The following FIRRM variants were observed in gnomAD, a reference collection of about 807,000 sequenced individuals.
FIRRM encodes FIGNL1 interacting regulator of recombination and mitosis.
chr1:169,832,578 CT>C, the FIRRM span: 272 of 1,018,186 alleles, frequency 2.7e-4, no homozygotes, highest in Admixed American at 5.5e-4. Context: ...CTTTGATAGC[CT>C]TTTTTTTTCC....
At chr1:169,850,954 A>G in the FIRRM span, 1 of 121,116 alleles carries the variant, frequency 8.3e-6, no homozygotes, top group Non-Finnish European at 1.7e-5. Flanking sequence ...GTTTACTACC[A>G]TATTTTGGGT....
chr1:169,793,319 T>C, the FIRRM span: 1 of 1,614,184 alleles, frequency 6.2e-7, no homozygotes, highest in African/African-American at 1.3e-5. Context: ...TAACTTAACA[T>C]GCTGGAAACC....
chr1:169,830,604 C>T, the FIRRM span: 34 of 1,241,864 alleles, frequency 2.7e-5, no homozygotes, highest in Non-Finnish European at 3.7e-5. Flanking sequence ...TTTTAATGTC[C>T]TCATCAGAAT....
At chr1:169,802,575 T>C in the FIRRM span, 5 of 1,324,488 alleles carry the variant, frequency 3.8e-6, no homozygotes, top group South Asian at 1.2e-5. Context: ...TTGTCTTTTC[T>C]AGTGATTTCT....
chr1:169,834,978 G>A, the FIRRM span, among the ~76,000 whole-genome samples: 1 of 152,130 alleles, frequency 6.6e-6, no homozygotes, highest in Non-Finnish European at 1.5e-5. Context: ...GAACAGGTAG[G>A]CATAGGAGTT....
chr1:169,793,350 T>C, the FIRRM span: 2 of 1,614,242 alleles, frequency 1.2e-6, no homozygotes, highest in Non-Finnish European at 1.7e-6. Flanking sequence ...TCTATGACTT[T>C]ATTTTCTAAC....
the FIRRM span, chr1:169,847,953 A>G: frequency 3.8e-6 from 2 of 532,968 alleles, no homozygotes; most frequent in South Asian, 2.8e-5. Context: ...TATAAAATCT[A>G]TTTATAACTT....
At chr1:169,830,642 C>T in the FIRRM span, 3 of 1,529,782 alleles carry the variant, frequency 2.0e-6, no homozygotes, top group African/African-American at 4.1e-5. Flanking sequence ...AGTTCATCTC[C>T]TTATGTTTCT....
chr1:169,832,639 G>A, the FIRRM span: 3 of 633,494 alleles, frequency 4.7e-6, no homozygotes, highest in South Asian at 2.0e-5. Context: ...GTCTCGCTCT[G>A]TCACCCAGGC....
the FIRRM span, chr1:169,851,987 C>G: frequency 6.2e-7 from 1 of 1,612,906 alleles, no homozygotes; most frequent in East Asian, 2.2e-5. Flanking sequence ...AAATTCTGCC[C>G]TTTTTACTTA....
At chr1:169,827,607 C>T in the FIRRM span, 1 of 1,297,994 alleles carries the variant, frequency 7.7e-7, no homozygotes, top group Non-Finnish European at 1.1e-6. Context: ...CACTGCACTC[C>T]AGGCTGGGTG....
the FIRRM span, chr1:169,792,475 A>T: frequency 9.0e-7 from 1 of 1,116,718 alleles, no homozygotes. Context: ...AACTAAACAA[A>T]CAACATCAAA....
chr1:169,803,057 G>T, the FIRRM span: 1 of 920,278 alleles, frequency 1.1e-6, no homozygotes, highest in East Asian at 2.6e-5. Context: ...GTGAAAAGAG[G>T]AAGAGACTGT....
At chr1:169,827,979 A>G in the FIRRM span, 2 of 786,284 alleles carry the variant, frequency 2.5e-6, no homozygotes, top group South Asian at 2.0e-5. Flanking sequence ...AGACACACAT[A>G]TATATTGCTA....
At chr1:169,814,310 G>T in the FIRRM span, among the ~76,000 whole-genome samples, 1 of 152,172 alleles carries the variant, frequency 6.6e-6, no homozygotes, top group African/African-American at 2.4e-5. Context: ...AGGTAAATAT[G>T]CAGTATTAAA....
At chr1:169,802,482 A>T in the FIRRM span, 1 of 532,534 alleles carries the variant, frequency 1.9e-6, no homozygotes, top group South Asian at 3.1e-5. Flanking sequence ...ATTAGGTACA[A>T]TTGTTAAGCT....
chr1:169,800,715 C>CTT, the FIRRM span, among the ~76,000 whole-genome samples: 94,771 of 136,696 alleles, frequency 0.69, 33,206 homozygotes, highest in Middle Eastern at 0.88. Flanking sequence ...TCCTTTCTCT[C>CTT]TTTTTTTTTT....
the FIRRM span, among the ~76,000 whole-genome samples, chr1:169,835,837 C>G: frequency 2.0e-5 from 3 of 152,134 alleles, no homozygotes; most frequent in Non-Finnish European, 4.4e-5. Context: ...GCACAGTTCT[C>G]TTGGCTTTCC....
chr1:169,838,501 A>T, the FIRRM span, among the ~76,000 whole-genome samples: 538 of 151,516 alleles, frequency 3.6e-3, 1 homozygote, highest in Non-Finnish European at 6.3e-3. Flanking sequence ...TTTTTATTTT[A>T]TTTTTTGAGA....
Sources: allele counts gnomAD v4.1 joint callset (sites outside exome capture counted in the v4.1 genomes callset), GRCh38; gene constraint gnomAD v4.1.1; transcripts MANE v1.5; gene names NCBI Gene and HGNC (gene_info 2026-07-23, HGNC 2026-07-21).